Variants in CLDND1 observed in about 807,000 individuals in gnomAD.
The protein encoded by CLDND1 is claudin domain-containing protein 1.
In CLDND1, 13 loss-of-function variants were observed where a neutral mutation model predicts 26.3. That is an observed-to-expected ratio of 0.49 (90% CI 0.32 to 0.78). The LOEUF (loss-of-function observed/expected upper bound fraction) is 0.78, where lower values mean the gene tolerates loss of function less well. CLDND1 is among the 30% of genes least tolerant of loss of function. The pLI is 0.03. For missense variants in CLDND1, 289 were observed against 312.8 expected (o/e 0.92, Z 0.57); for synonymous variants, 107 against 107.0 (o/e 1.00, Z 0.00).
chr3:98,518,658 T>A, intron 3 of CLDND1: 1 of 523,484 alleles, frequency 1.9e-6, no homozygotes, highest in South Asian at 2.6e-5. Flanking sequence ...GATCCCATCA[T>A]CCAATGAAGT....
intron 3 of CLDND1, among the ~76,000 whole-genome samples, chr3:98,518,472 TG>T (rs1706256032): frequency 6.6e-6 from 1 of 152,234 alleles, no homozygotes; most frequent in South Asian, 2.1e-4. Flanking sequence ...TAAACACTTT[TG>T]ACAGGCCTGA....
intron 1 of CLDND1, chr3:98,522,496 T>C (rs2306065): frequency 0.07 from 82,687 of 1,177,318 alleles, 4,566 homozygotes; most frequent in East Asian, 0.35. Flanking sequence ...GATTTGTATT[T>C]TGATTTTTTA....
chr3:98,518,621 C>A, intron 3 of CLDND1: 1 of 384,126 alleles, frequency 2.6e-6, no homozygotes, highest in Non-Finnish European at 4.7e-6. Flanking sequence ...CTAAATGGGC[C>A]CATTAATAAC....
chr3:98,521,594 T>A (rs950612986), intron 1 of CLDND1, 152 bp from the exon 2 acceptor site: 18 of 1,539,020 alleles, frequency 1.2e-5, no homozygotes, highest in Non-Finnish European at 1.6e-5. Flanking sequence ...AAGCATGTTT[T>A]TAATTAAGCT....
At chr3:98,517,002 C>A in intron 4 of CLDND1, 50 bp downstream of exon 4, 1 of 1,610,706 alleles carries the variant, frequency 6.2e-7, no homozygotes, top group African/African-American at 1.3e-5. Flanking sequence ...CTCTTTGGTC[C>A]CTAAAGAGAC....
At chr3:98,521,778 A>G in intron 1 of CLDND1, 1 of 1,241,318 alleles carries the variant, frequency 8.1e-7, no homozygotes, top group Non-Finnish European at 1.2e-6. Flanking sequence ...TCAGCAGTGT[A>G]CCGTGCACAC....
chr3:98,522,505 T>A (rs1443776191), intron 1 of CLDND1: 8 of 1,197,654 alleles, frequency 6.7e-6, no homozygotes, highest in Non-Finnish European at 8.3e-6. Context: ...TTTGATTTTT[T>A]AAAAATCCCC....
intron 3 of CLDND1, among the ~76,000 whole-genome samples, chr3:98,518,371 G>A (rs760680202): frequency 1.3e-5 from 2 of 152,102 alleles, no homozygotes; most frequent in Non-Finnish European, 2.9e-5. Flanking sequence ...TATTTCATGG[G>A]CTGCCTGACC....
intron 1 of CLDND1, chr3:98,522,457 A>G (rs967814947): frequency 3.4e-6 from 3 of 883,988 alleles, no homozygotes; most frequent in Non-Finnish European, 2.9e-6. Context: ...GAAAGATAAG[A>G]GCAATGACAA....
chr3:98,521,671 A>C, intron 1 of CLDND1: 1 of 1,612,964 alleles, frequency 6.2e-7, no homozygotes, highest in South Asian at 1.1e-5. Context: ...CTACGGAGAC[A>C]GAGGTCTTGT....
chr3:98,521,068 T>C (rs1559655285), intron 2 of CLDND1, 65 bp downstream of exon 2: 5 of 1,388,630 alleles, frequency 3.6e-6, no homozygotes, highest in Non-Finnish European at 4.0e-6. Flanking sequence ...AATTGGGCAA[T>C]CATTACGTCG....
At chr3:98,517,959 G>A (rs769024275) in intron 3 of CLDND1, among the ~76,000 whole-genome samples, 5 of 152,156 alleles carry the variant, frequency 3.3e-5, no homozygotes, top group Non-Finnish European at 7.4e-5. Context: ...AATTATAAAT[G>A]ACCTGTCTTA....
chr3:98,520,006 G>T (rs1706334363), intron 2 of CLDND1, among the ~76,000 whole-genome samples: 2 of 151,928 alleles, frequency 1.3e-5, no homozygotes. Context: ...GTTCTATTTT[G>T]CCATAGCACA....
Position 98,518,765 on chromosome 3 carries a change from G to A in CLDND1, c.403+120C>T, listed in dbSNP as rs551607776. 2.0e-4 allele frequency: 131 copies of A among 658,598 alleles called. 3 individuals are homozygous for A. In the South Asian group the frequency reaches 2.2e-3, roughly 11 times the overall value. 40.8% of individuals were successfully genotyped at this position (658,598 alleles called of 1,614,324 possible). A position where few individuals can be genotyped will look rare whatever the true frequency, so the allele number is the denominator to read the frequency against. On this transcript the variant is annotated intron_variant, in intron 3 of 4. Coordinates refer to ENST00000341181, the MANE Select transcript of CLDND1 (RefSeq NM_001040181.2). Reference sequence around the variant, plus strand: ...ATAGAGTTCACTGGATACTGTTAGAGATTTTATTTCACGTTGGCACAATCT... The same window carrying A: ...ATAGAGTTCACTGGATACTGTTAGAAATTTTATTTCACGTTGGCACAATCT...
At position 98,518,932 on chromosome 3, in the gene CLDND1, A is replaced by C; in HGVS notation, c.356T>G (p.Phe119Cys). The C allele has an allele frequency of 6.2e-7, 1 of 1,613,936 alleles. No individual in the cohort carries two copies. Among genetic ancestry groups the C allele is most frequent in the South Asian group, 1.1e-5 (1 of 91,042 alleles). Reference protein sequence around the residue: ...FTLTEQFMEKFVDPGNHNSGI... With the variant: ...FTLTEQFMEKCVDPGNHNSGI... ...GCTATTGTGGTTTCCGGGATCAACA[A>C]ATTTCTCCATGAACTGCTCAGTTAG... The change falls in exon 3 of 5, where the codon TTT (phenylalanine) becomes TGT (cysteine). Residue 119 changes from phenylalanine to cysteine, a missense_variant. Physicochemically the swap from Phe to Cys is radical, Grantham distance 205. Transcript: ENST00000341181.
chr3:98,516,351 C>T lies in CLDND1; in HGVS notation c.*308G>A, dbSNP rs189797833. 6 of 1,114,752 alleles carry T rather than the reference C, an allele frequency of 5.4e-6. No individual in the cohort carries two copies. The highest frequency in any genetic ancestry group is 1.7e-5 in the African/African-American group (1 of 60,394). 69.1% of individuals were successfully genotyped at this position (1,114,752 alleles called of 1,614,324 possible). A position where few individuals can be genotyped will look rare whatever the true frequency, so the allele number is the denominator to read the frequency against. On this transcript the variant is annotated 3_prime_UTR_variant, in exon 5 of 5. Transcript: ENST00000341181. ...TACTGAAAAGTCTAACAGACATTAG[C>T]ACAACTTGTTTTCGGTCACATTCCT...
chr3:98,521,469 AAGTT>A, intron 1 of CLDND1, 27 bp from the exon 2 acceptor site: 3 of 1,592,516 alleles, frequency 1.9e-6, no homozygotes, highest in East Asian at 2.3e-5. Context: ...GAAAGAAGAT[AAGTT>A]AGAGTTTACG....
At position 98,521,382 on chromosome 3, in the gene CLDND1, G is replaced by A. The variant is rs1706401506; in HGVS notation, c.43C>T (p.Leu15Phe). 1.2e-6 allele frequency: 2 copies of A among 1,614,062 alleles called. No homozygotes were observed. Among genetic ancestry groups the A allele is most frequent in the African/African-American group, 1.3e-5 (1 of 74,936 alleles). ...ATGTAGATGGTGGAAATGAGGCTAAGCACACAAGCAATTACAAATGCTGTA... is the reference window on the plus strand; with the variant it reads ...ATGTAGATGGTGGAAATGAGGCTAAACACACAAGCAATTACAAATGCTGTA... ...FATAFVIACV[L>F]SLISTIYMAA... is the part of the protein sequence containing the mutation. Residue 15 changes from leucine to phenylalanine, a missense_variant, in exon 2 of 5, where the codon CTT becomes TTT. By Grantham distance (22) the Leu-to-Phe change is conservative (BLOSUM62 0). Coordinates refer to ENST00000341181, the MANE Select transcript of CLDND1 (RefSeq NM_001040181.2).
Position 98,516,489 on chromosome 3 carries a change from T to G in CLDND1, c.*170A>C. ...TCGCTTAAAGTAAACCACATAAATT[T>G]TAGTGGTATTAAGTGTGTATTTAGT... On this transcript the variant is annotated 3_prime_UTR_variant, in exon 5 of 5. Transcript: ENST00000341181. The G allele has an allele frequency of 7.2e-7, 1 of 1,389,030 alleles. No individual in the cohort carries two copies. Among genetic ancestry groups the G allele is most frequent in the Non-Finnish European group, 9.3e-7 (1 of 1,075,622 alleles). The allele number at this position is 1,389,030 out of a possible 1,614,324, so 86.0% of individuals were successfully genotyped here.
Sources: allele counts gnomAD v4.1 joint callset (sites outside exome capture counted in the v4.1 genomes callset), GRCh38; gene constraint gnomAD v4.1.1; transcripts MANE v1.5; gene names NCBI Gene and HGNC (gene_info 2026-07-23, HGNC 2026-07-21).